NSMCE2: variants seen among roughly 807,000 people sequenced by gnomAD.
NSMCE2 encodes the protein E3 SUMO-protein ligase NSE2.
A neutral mutation model predicts 23.8 loss-of-function variants in NSMCE2; 24 were observed. The observed-to-expected ratio is 1.01, with a 90% CI of 0.73 to 1.42. The LOEUF is 1.42. NSMCE2 is among the 40% of genes most tolerant of loss of function. NSMCE2 has a pLI of 0.00. For missense variants in NSMCE2, 284 were observed against 296.5 expected (o/e 0.96, Z 0.31); for synonymous variants, 92 against 94.1 (o/e 0.98, Z 0.13).
chr8:125,256,724 G>T (rs543571026), intron 5 of NSMCE2, among the ~76,000 whole-genome samples: 1 of 151,890 alleles, frequency 6.6e-6, no homozygotes, highest in African/African-American at 2.4e-5. Context: ...AGGAGATCGG[G>T]ACCATCCTGG....
intron 5 of NSMCE2, among the ~76,000 whole-genome samples, chr8:125,304,805 T>C (rs1828689582): frequency 6.7e-6 from 1 of 150,158 alleles, no homozygotes; most frequent in Non-Finnish European, 1.5e-5. Flanking sequence ...TGAGAATCGC[T>C]TGAACCCTGG....
chr8:125,316,732 TTTCCTTCC>T lies in NSMCE2; in HGVS notation c.419-40455_419-40448del, dbSNP rs58493916. On this transcript the variant is annotated intron_variant, in intron 5 of 7. Transcript: ENST00000287437. ...CTTCTTTCCTTCTTTCTTTCCTTCT[TTTCCTTCC>T]TTCCTTCCTTCCTTCCTTCCTTCCT... Among the ~76,000 whole-genome samples, 128 of 102,472 alleles carry T rather than the reference TTTCCTTCC, an allele frequency of 1.2e-3. 1 individual carries two copies. Among genetic ancestry groups the T allele is most frequent in the East Asian group, 4.4e-3 (17 of 3,884 alleles). 67.2% of individuals were successfully genotyped at this position (102,472 alleles called of 152,430 possible).
At chr8:125,262,657 A>G (rs1219831782) in intron 5 of NSMCE2, among the ~76,000 whole-genome samples, 3 of 152,166 alleles carry the variant, frequency 2.0e-5, no homozygotes, top group African/African-American at 7.2e-5. Flanking sequence ...TAGCTCCACA[A>G]TCTGGTGTCA....
At chr8:125,258,733 G>C (rs895214242) in intron 5 of NSMCE2, among the ~76,000 whole-genome samples, 1 of 152,214 alleles carries the variant, frequency 6.6e-6, no homozygotes, top group Non-Finnish European at 1.5e-5. Flanking sequence ...AATGGAGAGA[G>C]GTGGGGGGGT....
chr8:125,320,657 A>T (rs1023256640), intron 5 of NSMCE2, among the ~76,000 whole-genome samples: 39 of 152,180 alleles, frequency 2.6e-4, no homozygotes, highest in Non-Finnish European at 3.2e-4. Context: ...TATATTTTTT[A>T]AAAAAAGGTG....
chr8:125,174,742 G>A (rs1161657534), intron 4 of NSMCE2, among the ~76,000 whole-genome samples: 1 of 152,214 alleles, frequency 6.6e-6, no homozygotes, highest in African/African-American at 2.4e-5. Flanking sequence ...CTACTTAATA[G>A]TAGTGTATTA....
In NSMCE2 at chr8:125,182,362, T is replaced by C. The variant is rs376453934; in HGVS notation, c.418+106T>C. ...TATAAAGTTTGCTTATCTGCTTGGC[T>C]TGATCCTCATTCTAAGTTGCGTTTT... On this transcript the variant is annotated intron_variant, in intron 5 of 7. Transcript: ENST00000287437. 2.4e-5 allele frequency: 21 copies of C among 872,746 alleles called. No homozygotes were observed. The East Asian group carries it at 5.3e-4, about 22-fold the overall frequency. The allele number at this position is 872,746 out of a possible 1,614,324, so 54.1% of individuals were successfully genotyped here. A position where few individuals can be genotyped will look rare whatever the true frequency, so the allele number is the denominator to read the frequency against.
rs1488471162 is a variant in NSMCE2 at position 125,316,678 on chromosome 8, CCTT to C, written c.419-40537_419-40535del. Among the ~76,000 whole-genome samples, 184 of 139,370 alleles carry C rather than the reference CCTT, an allele frequency of 1.3e-3. 2 individuals are homozygous for C. The highest frequency in any genetic ancestry group is 5.3e-3 in the Admixed American group (68 of 12,902). The allele number at this position is 139,370 out of a possible 152,430, so 91.4% of individuals were successfully genotyped here. A position where few individuals can be genotyped will look rare whatever the true frequency, so the allele number is the denominator to read the frequency against. On this transcript the variant is annotated intron_variant, in intron 5 of 7. Transcript: ENST00000287437. The stretch of plus-strand genomic sequence containing the variant: ...TCTTTCCTTCCTTCCTTCTTTCCTT[CCTT>C]CTTATCTTCCTTCTTTCCTTCCTTC...
chr8:125,313,154 G>T (rs1829036667), intron 5 of NSMCE2, among the ~76,000 whole-genome samples: 1 of 131,850 alleles, frequency 7.6e-6, no homozygotes, highest in African/African-American at 2.8e-5. Context: ...AAAGAAGGAA[G>T]GAAGGAAAAA....
chr8:125,140,698 G>C (rs1016056154), intron 3 of NSMCE2, among the ~76,000 whole-genome samples: 1 of 151,956 alleles, frequency 6.6e-6, no homozygotes, highest in Non-Finnish European at 1.5e-5. Context: ...TGTCTTGGCT[G>C]CCACAAATTC....
chr8:125,103,733 A>G (rs1586428383), intron 3 of NSMCE2, among the ~76,000 whole-genome samples: 1 of 152,102 alleles, frequency 6.6e-6, no homozygotes, highest in East Asian at 1.9e-4. Context: ...CATCTTGTCT[A>G]CTGCAGTGTC....
chr8:125,165,078 G>A (rs2130741619), intron 4 of NSMCE2, among the ~76,000 whole-genome samples: 1 of 152,310 alleles, frequency 6.6e-6, no homozygotes, highest in East Asian at 1.9e-4. Context: ...GGAGTCAGAA[G>A]ACCTAGCCTC....
chr8:125,105,279 C>T (rs544035370), intron 3 of NSMCE2, among the ~76,000 whole-genome samples: 1 of 152,182 alleles, frequency 6.6e-6, no homozygotes, highest in Admixed American at 6.5e-5. Context: ...TGTTTTAACC[C>T]TACCCAGTCT....
At chr8:125,219,861 T>C (rs967022166) in intron 5 of NSMCE2, among the ~76,000 whole-genome samples, 4 of 152,234 alleles carry the variant, frequency 2.6e-5, no homozygotes, top group Non-Finnish European at 1.5e-5. Context: ...GATTCATTAA[T>C]TTTCTGACAT....
intron 4 of NSMCE2, among the ~76,000 whole-genome samples, chr8:125,159,659 G>C (rs539965185): frequency 2.6e-4 from 39 of 152,260 alleles, no homozygotes; most frequent in Non-Finnish European, 4.4e-4. Context: ...CATCTACTGG[G>C]GGTTTTGGAA....
At chr8:125,238,959 A>G (rs562355046) in intron 5 of NSMCE2, among the ~76,000 whole-genome samples, 95 of 152,334 alleles carry the variant, frequency 6.2e-4, no homozygotes, top group Admixed American at 3.3e-3. Context: ...GTTTAATGAT[A>G]TGGGGCCGAA....
intron 5 of NSMCE2, among the ~76,000 whole-genome samples, chr8:125,253,460 G>A (rs1826278499): frequency 6.6e-6 from 1 of 152,222 alleles, no homozygotes; most frequent in African/African-American, 2.4e-5. Flanking sequence ...TAGATGCAGA[G>A]TTTCGGGTGG....
chr8:125,280,576 A>G (rs1268945193), intron 5 of NSMCE2, among the ~76,000 whole-genome samples: 2 of 152,204 alleles, frequency 1.3e-5, no homozygotes, highest in African/African-American at 4.8e-5. Context: ...CATCATACTT[A>G]GTTTTGAAAC....
chr8:125,144,998 C>T (rs1294039004), intron 3 of NSMCE2, among the ~76,000 whole-genome samples: 1 of 152,096 alleles, frequency 6.6e-6, no homozygotes, highest in East Asian at 1.9e-4. Context: ...GTTTGTTTGA[C>T]TTTAGGAAAA....
Sources: gnomAD v4.1 joint callset for allele counts (sites outside exome capture counted in the v4.1 genomes callset) on GRCh38, gnomAD v4.1.1 for gene constraint, MANE v1.5 for transcripts, NCBI Gene and HGNC (gene_info 2026-07-23, HGNC 2026-07-21) for gene names.